RB1: variants seen among roughly 807,000 people sequenced by gnomAD.
RB1 encodes the protein RB transcriptional corepressor 1, also known as retinoblastoma-associated protein.
Under a neutral mutation model 135.4 loss-of-function variants are expected in RB1, and 18 were observed. That is an observed-to-expected ratio of 0.13 (90% CI 0.09 to 0.20). The LOEUF is 0.20. Among genes scored for constraint, RB1 ranks in the 10% least tolerant of loss-of-function variants. The probability of loss-of-function intolerance (pLI) is 1.00; values close to 1 mark genes in which losing one functional copy is unlikely to be tolerated. For missense variants in RB1, 868 were observed against 1,110.0 expected (o/e 0.78, Z 3.10); for synonymous variants, 365 against 373.2 (o/e 0.98, Z 0.25).
At chr13:48,417,456 C>T (rs1308983583) in intron 17 of RB1, 1 of 152,182 alleles carries the variant, frequency 6.6e-6, no homozygotes, top group African/African-American at 2.4e-5. Flanking sequence ...GTAGATAAAT[C>T]CATGAAGATG....
intron 2 of RB1, among the ~76,000 whole-genome samples, chr13:48,334,077 G>A (rs1952362114): frequency 1.3e-5 from 2 of 152,132 alleles, no homozygotes; most frequent in African/African-American, 4.8e-5. Flanking sequence ...CAACTTTTGG[G>A]CAGATGGCCA....
intron 26 of RB1, among the ~76,000 whole-genome samples, chr13:48,479,227 C>CA (rs879265757): frequency 0.01 from 1,500 of 143,848 alleles, 33 homozygotes; most frequent in African/African-American, 0.033. Flanking sequence ...GACCTTGTCT[C>CA]AAAAAAAAAA....
chr13:48,435,062 T>C (rs1328126073), intron 17 of RB1, among the ~76,000 whole-genome samples: 2 of 152,200 alleles, frequency 1.3e-5, no homozygotes, highest in African/African-American at 4.8e-5. Flanking sequence ...TTCTTTTCTC[T>C]GGGATAAATG....
chr13:48,325,207 A>C (rs915179430), intron 2 of RB1, among the ~76,000 whole-genome samples: 1 of 151,972 alleles, frequency 6.6e-6, no homozygotes, highest in African/African-American at 2.4e-5. Flanking sequence ...TCTAGCTCCT[A>C]CTTATAAGTG....
At chr13:48,379,738 G>T in intron 14 of RB1, 88 bp downstream of exon 14, 1 of 1,480,954 alleles carries the variant, frequency 6.8e-7, no homozygotes, top group Admixed American at 2.0e-5. Context: ...GAGGTGGGCA[G>T]ATCAGGAGGT....
chr13:48,454,367 CA>C (rs1949347341), intron 18 of RB1, among the ~76,000 whole-genome samples: 1 of 152,170 alleles, frequency 6.6e-6, no homozygotes, highest in African/African-American at 2.4e-5. Flanking sequence ...AACTTGTACC[CA>C]AAGTGTTTCT....
At position 48,381,624 on chromosome 13, in the gene RB1, C is replaced by T. The variant is rs1309286550; in HGVS notation, c.1695+181C>T. On this transcript the variant is annotated intron_variant, in intron 17 of 26. Coordinates refer to ENST00000267163, the MANE Select transcript of RB1 (RefSeq NM_000321.3). ...TTAGAATGGAGCTTTAATCGAGCACCCTAAACCATCTAATACAGCACAGTG... is the reference window on the plus strand; with the variant it reads ...TTAGAATGGAGCTTTAATCGAGCACTCTAAACCATCTAATACAGCACAGTG... Among the ~76,000 whole-genome samples the T allele has an allele frequency of 2.0e-5, 3 of 152,078 alleles. No individual in the cohort carries two copies. In the East Asian group the frequency reaches 5.8e-4, roughly 29 times the overall value.
chr13:48,373,601 G>A, intron 12 of RB1, 109 bp downstream of exon 12: 1 of 683,218 alleles, frequency 1.5e-6, no homozygotes, highest in South Asian at 1.8e-5. Flanking sequence ...TATCTAACAT[G>A]TAGTTATCCA....
intron 2 of RB1, among the ~76,000 whole-genome samples, chr13:48,316,200 G>T (rs752395871): frequency 7.4e-5 from 11 of 148,280 alleles, no homozygotes; most frequent in Admixed American, 1.4e-4. Flanking sequence ...GCTTTAAATC[G>T]TTTTTTCCAG....
chr13:48,304,794 T>C (rs1251234000), intron 1 of RB1, among the ~76,000 whole-genome samples: 1 of 152,172 alleles, frequency 6.6e-6, no homozygotes, highest in Non-Finnish European at 1.5e-5. Flanking sequence ...GAACTCTTCT[T>C]GCGTGTTAGT....
chr13:48,459,392 T>C (rs951915700), intron 19 of RB1, among the ~76,000 whole-genome samples: 1 of 152,134 alleles, frequency 6.6e-6, no homozygotes, highest in Admixed American at 6.5e-5. Flanking sequence ...AGCTTCTGGA[T>C]ATTTGCCCAA....
chr13:48,445,310 C>T (rs1949277550), intron 17 of RB1: 1 of 152,184 alleles, frequency 6.6e-6, no homozygotes, highest in Non-Finnish European at 1.5e-5. Flanking sequence ...AACTAGCTAT[C>T]TCTATATTAG....
chr13:48,368,436 A>G, intron 10 of RB1, 91 bp from the exon 11 acceptor site: 1 of 1,512,672 alleles, frequency 6.6e-7, no homozygotes, highest in South Asian at 1.2e-5. Flanking sequence ...TGATTTTATG[A>G]GACAACAGAA....
rs757748029 is a variant in RB1 at position 48,379,596 on chromosome 13, A to T, written c.1335A>T (p.Arg445=). Residue 445 remains arginine (R), a splice_region_variant and synonymous_variant, in exon 14 of 27, where the codon CGA becomes CGT. Coordinates refer to ENST00000267163, the MANE Select transcript of RB1 (RefSeq NM_000321.3). ...TTTTTCTTTTTGTTTGTTTGTAGCG[A>T]TACAAACTTGGAGTTCGCTTGTATT... ...GQGCVEIGSQ[R]YKLGVRLYYR... The T allele has an allele frequency of 1.7e-5, 27 of 1,612,374 alleles. No individual in the cohort carries two copies. The South Asian group carries it at 2.6e-4, about 16-fold the overall frequency.
intron 17 of RB1, among the ~76,000 whole-genome samples, chr13:48,440,444 A>T (rs1005509756): frequency 6.6e-6 from 1 of 152,194 alleles, no homozygotes; most frequent in Admixed American, 6.5e-5. Context: ...CTTATGTACA[A>T]ATAGCTAATG....
At chr13:48,419,132 T>C (rs930008741) in intron 17 of RB1, among the ~76,000 whole-genome samples, 4 of 152,160 alleles carry the variant, frequency 2.6e-5, no homozygotes, top group African/African-American at 9.7e-5. Context: ...AACCACATGA[T>C]TGGGAGTAAA....
intron 17 of RB1, among the ~76,000 whole-genome samples, chr13:48,421,313 T>C (rs1008623808): frequency 1.3e-5 from 2 of 152,158 alleles, no homozygotes; most frequent in Admixed American, 6.5e-5. Flanking sequence ...TGGCTAGCCA[T>C]GTGCAGAAAA....
intron 1 of RB1, among the ~76,000 whole-genome samples, chr13:48,305,239 A>G (rs753540423): frequency 4.6e-5 from 7 of 152,206 alleles, no homozygotes; most frequent in African/African-American, 7.2e-5. Context: ...TACACTAACA[A>G]TTCACGGCAG....
chr13:48,426,073 G>A lies in RB1; in HGVS notation c.1696-26920G>A, dbSNP rs925702553. On this transcript the variant is annotated intron_variant, in intron 17 of 26. Transcript: ENST00000267163. ...GGATAATAGAAAGCACTGTGACCTA[G>A]AGATCCAGAATCCTTGATTTCTAAA... Among the ~76,000 whole-genome samples, 3 of 152,172 alleles carry A rather than the reference G, an allele frequency of 2.0e-5. No individual in the cohort carries two copies. In the South Asian group the frequency reaches 6.2e-4, roughly 32 times the overall value.
Sources: gnomAD v4.1 joint callset for allele counts (sites outside exome capture counted in the v4.1 genomes callset) on GRCh38, gnomAD v4.1.1 for gene constraint, MANE v1.5 for transcripts, NCBI Gene and HGNC (gene_info 2026-07-23, HGNC 2026-07-21) for gene names.